The following GLRA2 variants were observed in gnomAD, a reference collection of about 807,000 sequenced individuals.
GLRA2 encodes glycine receptor subunit alpha-2.
GLRA2 carries 11 observed loss-of-function variants against 31.6 expected under a neutral mutation model. That is an observed-to-expected ratio of 0.35 (90% confidence interval 0.22 to 0.58). The LOEUF (loss-of-function observed/expected upper bound fraction) is 0.58, where lower values mean the gene tolerates loss of function less well. Among genes scored for constraint, GLRA2 ranks in the 20% least tolerant of loss-of-function variants. The pLI, the probability that GLRA2 is intolerant of heterozygous loss-of-function variation, is 0.84. For synonymous variants in GLRA2, 132 were observed against 134.0 expected, an observed-to-expected ratio of 0.99 and a Z score of 0.10; for missense variants, 212 against 351.8, an observed-to-expected ratio of 0.60 and a Z score of 3.18.
At chrX:14,608,083 C>G (rs2090356573) in intron 6 of GLRA2, among the ~76,000 whole-genome samples, 1 of 111,344 alleles carries the variant, frequency 9.0e-6, no homozygotes. Context: ...GTTCCAACAG[C>G]CAACAGTGAT....
At chrX:14,458,446 C>T in the GLRA2 span, among the ~76,000 whole-genome samples, 1 of 112,110 alleles carries the variant, frequency 8.9e-6, no homozygotes. Flanking sequence ...GGAATTGCCA[C>T]ACTGACTTCC....
At chrX:14,576,450 A>G (rs916457771) in intron 3 of GLRA2, among the ~76,000 whole-genome samples, 2 of 109,649 alleles carry the variant, frequency 1.8e-5, no homozygotes, top group East Asian at 2.8e-4. Flanking sequence ...GTAATAAGAG[A>G]GGGGGCAAAG....
intron 7 of GLRA2, among the ~76,000 whole-genome samples, chrX:14,649,932 A>T (rs955432496): frequency 8.0e-5 from 9 of 112,127 alleles, no homozygotes; most frequent in Non-Finnish European, 1.7e-4. Flanking sequence ...CAATGCAAAA[A>T]TTCTAGGTAA....
chrX:14,486,519 A>G, the GLRA2 span, among the ~76,000 whole-genome samples: 2 of 111,945 alleles, frequency 1.8e-5, no homozygotes, highest in African/African-American at 6.5e-5. Context: ...ATATAAAAAT[A>G]TCCCATAAAT....
At chrX:14,493,627 A>G in the GLRA2 span, among the ~76,000 whole-genome samples, 2 of 102,723 alleles carry the variant, frequency 1.9e-5, no homozygotes, top group Non-Finnish European at 3.9e-5. Context: ...ATATACACAT[A>G]TATACATATA....
intron 2 of GLRA2, among the ~76,000 whole-genome samples, chrX:14,543,309 C>T (rs191610820): frequency 1.2e-3 from 132 of 105,778 alleles, no homozygotes; most frequent in African/African-American, 4.1e-3. Flanking sequence ...CTTTGATGGT[C>T]CCTGGTTCTA....
At chrX:14,451,948 T>A in the GLRA2 span, among the ~76,000 whole-genome samples, 2 of 111,741 alleles carry the variant, frequency 1.8e-5, no homozygotes, top group Non-Finnish European at 3.8e-5. Context: ...AACATTTTTT[T>A]CTACAAAAAG....
intron 8 of GLRA2, among the ~76,000 whole-genome samples, chrX:14,699,977 GA>G (rs1415991993): frequency 9.0e-6 from 1 of 111,655 alleles, no homozygotes; most frequent in East Asian, 2.8e-4. Flanking sequence ...GGGTCTTTTG[GA>G]GGGTGGAGGG....
At chrX:14,546,147 G>A (rs778642624) in intron 2 of GLRA2, among the ~76,000 whole-genome samples, 1 of 110,994 alleles carries the variant, frequency 9.0e-6, no homozygotes, top group African/African-American at 3.3e-5. Context: ...TAGAATCCGT[G>A]CCCACTCTGT....
rs771554814 is a variant in GLRA2, at chrX:14,646,043, A to G, written c.930+36838A>G. On this transcript the variant is annotated intron_variant, in intron 7 of 8. Coordinates refer to ENST00000218075, the MANE Select transcript of GLRA2 (RefSeq NM_002063.4). ...TTAGGGAGGGGAATTACATTATCCT[A>G]AGAAATAAAAATAGCCAATTTAATT... 8.0e-5 allele frequency among the ~76,000 whole-genome samples: 9 copies of G among 112,350 alleles called. No individual in the cohort carries two copies. The South Asian group carries it at 2.9e-3, about 37-fold the overall frequency.
chrX:14,658,147 T>C lies in GLRA2; in HGVS notation c.931-32563T>C, dbSNP rs893409783. On this transcript the variant is annotated intron_variant, in intron 7 of 8. Transcript: ENST00000218075. ...GAAATAACCACTTATTTTACAAAAT[T>C]CGGCTCAAGAATCTACTCTCAATGA... is the stretch of plus-strand genomic sequence containing the variant. 2.7e-5 allele frequency among the ~76,000 whole-genome samples: 3 copies of C among 111,272 alleles called. 1 individual carries two copies.
In GLRA2 at chrX:14,695,621, G is replaced by T. The variant is rs185327042; in HGVS notation, c.1080+4762G>T. ...TCATGAGCCAAGAAGTGGTGTAGTG[G>T]GTCTGAAGTGAGATACTGTGTTCCC... On this transcript the variant is annotated intron_variant, in intron 8 of 8. Coordinates refer to ENST00000218075, the MANE Select transcript of GLRA2 (RefSeq NM_002063.4). Among the ~76,000 whole-genome samples the T allele has an allele frequency of 3.6e-5, 4 of 111,658 alleles. No homozygotes were observed. The East Asian group carries it at 1.1e-3, about 32-fold the overall frequency.
intron 4 of GLRA2, among the ~76,000 whole-genome samples, chrX:14,597,829 T>C (rs1417474429): frequency 8.9e-6 from 1 of 111,927 alleles, no homozygotes; most frequent in African/African-American, 3.2e-5. Context: ...TTTATGACTT[T>C]GGGAACAAAG....
chrX:14,519,829 C>T, the GLRA2 span, among the ~76,000 whole-genome samples: 1 of 111,954 alleles, frequency 8.9e-6, no homozygotes, highest in African/African-American at 3.2e-5. Context: ...CTTCATATTA[C>T]TTTGTCTAAT....
At chrX:14,481,557 CTG>C in the GLRA2 span, among the ~76,000 whole-genome samples, 1 of 111,636 alleles carries the variant, frequency 9.0e-6, no homozygotes, top group Non-Finnish European at 1.9e-5. Flanking sequence ...GGCAGGGAAA[CTG>C]AGGCCTGTCC....
intron 3 of GLRA2, 21 bp downstream of exon 3, chrX:14,574,421 G>A: frequency 8.6e-7 from 1 of 1,168,298 alleles, no homozygotes; most frequent in Non-Finnish European, 1.2e-6. Context: ...CAATGCCACT[G>A]GCAAGAGAAA....
chrX:14,507,123 T>C, the GLRA2 span, among the ~76,000 whole-genome samples: 1 of 111,938 alleles, frequency 8.9e-6, no homozygotes, highest in Non-Finnish European at 1.9e-5. Flanking sequence ...TCCTGGTCTT[T>C]TGCTTCCTCA....
rs377307408 is a variant in GLRA2 at position 14,717,215 on chromosome X, G to A, written c.1081-12992G>A. 1.0e-4 allele frequency among the ~76,000 whole-genome samples: 11 copies of A among 110,186 alleles called. No homozygotes were observed. In the East Asian group the frequency reaches 2.9e-3, roughly 29 times the overall value. On this transcript the variant is annotated intron_variant, in intron 8 of 8. Coordinates refer to ENST00000218075, the MANE Select transcript of GLRA2 (RefSeq NM_002063.4). Reference sequence around the variant, plus strand: ...GTGTAACTGGGGGCACCCTCCAAGTGGAGGGCCTGGGTACAGAGAGAAGCT... The same window carrying A: ...GTGTAACTGGGGGCACCCTCCAAGTAGAGGGCCTGGGTACAGAGAGAAGCT...
At chrX:14,635,207 C>G (rs1182591488) in intron 7 of GLRA2, among the ~76,000 whole-genome samples, 1 of 111,864 alleles carries the variant, frequency 8.9e-6, no homozygotes, top group African/African-American at 3.2e-5. Context: ...CTCCTGGAAT[C>G]ACTAGTATCG....
Sources: allele counts gnomAD v4.1 joint callset (sites outside exome capture counted in the v4.1 genomes callset), GRCh38; gene constraint gnomAD v4.1.1; transcripts MANE v1.5; gene names NCBI Gene and HGNC (gene_info 2026-07-23, HGNC 2026-07-21).